Variants in FYCO1 observed in about 807,000 individuals in gnomAD.
The protein encoded by FYCO1 is FYVE and coiled-coil domain-containing protein 1.
Under a neutral mutation model 165.1 loss-of-function variants are expected in FYCO1, and 122 were observed. The ratio of observed to expected loss-of-function variants is 0.74; its 90% CI spans 0.64 to 0.86. The LOEUF (loss-of-function observed/expected upper bound fraction) is 0.86. FYCO1 is among the 40% of genes least tolerant of loss of function. FYCO1 has a pLI of 0.00. For synonymous variants in FYCO1, 648 were observed against 742.5 expected (o/e 0.87, Z 2.07); for missense variants, 1,702 against 1,810.3 (o/e 0.94, Z 1.09).
At chr3:45,975,108 A>C in intron 5 of FYCO1, 131 bp downstream of exon 5, 1 of 759,964 alleles carries the variant, frequency 1.3e-6, no homozygotes, top group Non-Finnish European at 2.4e-6. Flanking sequence ...ACAATGATAT[A>C]TGTGGAAGGA....
intron 14 of FYCO1, among the ~76,000 whole-genome samples, chr3:45,941,612 T>C (rs1340562409): frequency 1.3e-5 from 2 of 152,260 alleles, no homozygotes. Context: ...AAGTCTTTTG[T>C]ACTATAGAGA....
Position 45,968,583 on chromosome 3 carries a change from C to T in FYCO1, c.751G>A (p.Glu251Lys). ...TCTCTGTCCAGCTGCTGCATGCGCT[C>T]CCGTAGCTGCTTCTCCCGCACCTCC... is the stretch of plus-strand genomic sequence containing the variant. ...QLEVREKQLR[E>K]RMQQLDRENQ... Residue 251 changes from glutamate (E) to lysine (K), a missense_variant, in exon 8 of 18, where the codon GAG becomes AAG. Coordinates refer to ENST00000296137, the MANE Select transcript of FYCO1 (RefSeq NM_024513.4). The T allele has an allele frequency of 6.2e-7, 1 of 1,613,964 alleles. No individual in the cohort carries two copies.
Position 45,973,231 on chromosome 3 carries a change from A to T in FYCO1, c.396T>A (p.Ser132Arg). The T allele has an allele frequency of 6.2e-7, 1 of 1,613,994 alleles. No individual in the cohort carries two copies. The highest frequency in any genetic ancestry group is 8.5e-7 in the Non-Finnish European group (1 of 1,179,834). Residue 132 changes from serine (S) to arginine (R), a missense_variant and splice_region_variant, in exon 6 of 18, where the codon AGT becomes AGA. Ser to Arg is a moderately radical substitution (Grantham distance 110). Transcript: ENST00000296137. ...AGGGGCTTCTTGCATAGTACCAGTCACTGCAGAAAAACATGTCAATTATAA... is the reference window on the plus strand; with the variant it reads ...AGGGGCTTCTTGCATAGTACCAGTCTCTGCAGAAAAACATGTCAATTATAA... ...QQCFMNTKVT[S>R]DWYYARSPFL...
At chr3:45,984,498 C>T (rs1707219797) in intron 2 of FYCO1, 1 of 395,626 alleles carries the variant, frequency 2.5e-6, no homozygotes, top group Non-Finnish European at 4.8e-6. Flanking sequence ...ACATTCTTTT[C>T]CAAAGAAGCC....
At chr3:45,985,304 T>C (rs1222675788) in intron 1 of FYCO1, among the ~76,000 whole-genome samples, 1 of 152,186 alleles carries the variant, frequency 6.6e-6, no homozygotes, top group Non-Finnish European at 1.5e-5. Flanking sequence ...TCACCTTAGA[T>C]AGGACTGCCT....
Position 45,936,475 on chromosome 3 carries a change from A to T in FYCO1, c.4013T>A (p.Ile1338Asn), listed in dbSNP as rs761357698. The stretch of plus-strand genomic sequence containing the variant: ...CAGTTCTCCAGACTTCAGCAGGCAG[A>T]TTTCCGAATCCTGCCCCACGGGCAT... Reference protein sequence around the residue: ...EDMPVGQDSEICLLKSGELMI... With the variant: ...EDMPVGQDSENCLLKSGELMI... The change falls in exon 15 of 18, where the codon ATC becomes AAC. Residue 1338 changes from isoleucine to asparagine, a missense_variant. Coordinates refer to ENST00000296137, the MANE Select transcript of FYCO1 (RefSeq NM_024513.4). The T allele has an allele frequency of 6.2e-7, 1 of 1,613,848 alleles. No individual in the cohort carries two copies. Among genetic ancestry groups the T allele is most frequent in the African/African-American group, 1.3e-5 (1 of 74,914 alleles).
intron 15 of FYCO1, among the ~76,000 whole-genome samples, chr3:45,934,812 T>C (rs1703808390): frequency 6.6e-6 from 1 of 152,212 alleles, no homozygotes; most frequent in African/African-American, 2.4e-5. Flanking sequence ...GCAAGGGACA[T>C]TTTGGTAGCT....
intron 1 of FYCO1, among the ~76,000 whole-genome samples, chr3:45,994,813 T>C (rs1309164132): frequency 6.6e-6 from 1 of 152,030 alleles, no homozygotes; most frequent in African/African-American, 2.4e-5. Flanking sequence ...CATTTCTCTG[T>C]CGGGAAAGGA....
In FYCO1 at chr3:45,962,677, T is replaced by C. The variant is rs1705773595; in HGVS notation, c.3270-285A>G. Among the ~76,000 whole-genome samples, 1 of 152,156 alleles carries C rather than the reference T, an allele frequency of 6.6e-6. No individual in the cohort carries two copies. The highest frequency in any genetic ancestry group is 2.1e-4 in the South Asian group (1 of 4,822). ...CTTGGCTCCTGGACAGGGGCTGGGC[T>C]TGCAAGAGAAGCCTGATAGGCAAGG... On this transcript the variant is annotated intron_variant, in intron 10 of 17. Coordinates refer to ENST00000296137, the MANE Select transcript of FYCO1 (RefSeq NM_024513.4). This position sits in a 1 kb window ranked among gnomAD's most constrained non-coding sequence, Gnocchi z 4.4.
intron 14 of FYCO1, among the ~76,000 whole-genome samples, chr3:45,939,823 G>A (rs1704118185): frequency 1.3e-5 from 2 of 152,248 alleles, no homozygotes; most frequent in African/African-American, 4.8e-5. Flanking sequence ...CTAGCCATAT[G>A]TGGCTATATA....
rs772418612 is a variant in FYCO1, at chr3:45,964,138, T to C, written c.3269+198A>G. ...AAATTGAGTTAGGAGAAAGGTGCTT[T>C]AGCCGTGTATAGGTTGTGATGGGCA... is the stretch of plus-strand genomic sequence containing the variant. On this transcript the variant is annotated intron_variant, in intron 10 of 17. Coordinates refer to ENST00000296137, the MANE Select transcript of FYCO1 (RefSeq NM_024513.4). The surrounding 1 kb of genome is among the most constrained non-coding windows in gnomAD (Gnocchi z 4.1). Among the ~76,000 whole-genome samples, 3 of 152,204 alleles carry C rather than the reference T, an allele frequency of 2.0e-5. No individual in the cohort carries two copies. Among genetic ancestry groups the C allele is most frequent in the Non-Finnish European group, 4.4e-5 (3 of 68,034 alleles).
intron 14 of FYCO1, chr3:45,946,204 G>A: frequency 2.5e-6 from 1 of 398,294 alleles, no homozygotes; most frequent in Non-Finnish European, 4.6e-6. Context: ...AATGTGCTTA[G>A]GGGTCAGTTA....
At chr3:45,989,970 A>G (rs1707491146) in intron 1 of FYCO1, among the ~76,000 whole-genome samples, 1 of 152,186 alleles carries the variant, frequency 6.6e-6, no homozygotes, top group Non-Finnish European at 1.5e-5. Flanking sequence ...GAATCTGGAC[A>G]ATCTCTGGAA....
Position 45,962,490 on chromosome 3 carries a change from C to T in FYCO1, c.3270-98G>A, listed in dbSNP as rs1199043518. Reference sequence around the variant, plus strand: ...GACTCTAATGAGGGGTGCTACTGCCCTCCGCCATGGGGGAGCCCCTTGGTA... The same window carrying T: ...GACTCTAATGAGGGGTGCTACTGCCTTCCGCCATGGGGGAGCCCCTTGGTA... On this transcript the variant is annotated intron_variant, in intron 10 of 17. Transcript: ENST00000296137. This position sits in a 1 kb window ranked among gnomAD's most constrained non-coding sequence, Gnocchi z 4.4. 1.4e-5 allele frequency: 16 copies of T among 1,112,132 alleles called. No homozygotes were observed. The highest frequency in any genetic ancestry group is 2.2e-5 in the Non-Finnish European group (16 of 724,646). The allele number at this position is 1,112,132 out of a possible 1,614,324, so 68.9% of individuals were successfully genotyped here. A position where few individuals can be genotyped will look rare whatever the true frequency, so the allele number is the denominator to read the frequency against.
In FYCO1 at chr3:45,969,743, A is replaced by G. The variant is rs772309756; in HGVS notation, c.562T>C (p.Ser188Pro). The G allele has an allele frequency of 1.1e-5, 17 of 1,614,018 alleles. No individual in the cohort carries two copies. In the East Asian group the frequency reaches 3.6e-4, roughly 34 times the overall value. ...FARRTLTTGS[S>P]AYLWKPPSRS... ...CTAGGGGGTTTCCACAGGTAAGCAG[A>G]AGAGCCAGTGGTCAGCGTCCTCCTG... Residue 188 changes from serine (S) to proline (P), a missense_variant, in exon 7 of 18, where the codon TCT (serine) becomes CCT (proline). By Grantham distance (74) the Ser-to-Pro change is moderately conservative. Coordinates refer to ENST00000296137, the MANE Select transcript of FYCO1 (RefSeq NM_024513.4).
intron 2 of FYCO1, 54 bp downstream of exon 2, chr3:45,984,802 C>T: frequency 6.3e-7 from 1 of 1,582,866 alleles, no homozygotes; most frequent in African/African-American, 1.3e-5. Context: ...CAGCAAAAAG[C>T]CCTGCCACAA....
At position 45,990,611 on chromosome 3, in the gene FYCO1, C is replaced by T. The variant is rs534864676; in HGVS notation, c.-113+5111G>A. ...CGTTGCTGTTCATGATTTCCCCTAG[C>T]ACAGTTCTGGCACATGGAGAGCCCT... is the stretch of plus-strand genomic sequence containing the variant. On this transcript the variant is annotated intron_variant, in intron 1 of 17. Coordinates refer to ENST00000296137, the MANE Select transcript of FYCO1 (RefSeq NM_024513.4). 2.5e-4 allele frequency among the ~76,000 whole-genome samples: 38 copies of T among 152,306 alleles called. 2 individuals carry two copies. The highest frequency in any genetic ancestry group is 2.6e-4 in the Admixed American group (4 of 15,304).
chr3:45,923,810 G>C, intron 16 of FYCO1, 45 bp from the exon 17 acceptor site: 1 of 1,284,332 alleles, frequency 7.8e-7, no homozygotes. Flanking sequence ...GAGGCTGAGA[G>C]GGCCCTCGGC....
chr3:45,968,690 A>G lies in FYCO1; in HGVS notation c.644T>C (p.Val215Ala). ...GGGGCTGTTCAGGTCAAAGTTGGACACCATCTCTTGAGTCTGGGAGGGAAA... is the reference window on the plus strand; with the variant it reads ...GGGGCTGTTCAGGTCAAAGTTGGACGCCATCTCTTGAGTCTGGGAGGGAAA... ...VSSYLQTQEM[V>A]SNFDLNSPLN... The change falls in exon 8 of 18, where the codon GTG (valine) becomes GCG (alanine). Residue 215 changes from valine to alanine, a missense_variant. By Grantham distance (64) the Val-to-Ala change is moderately conservative. Coordinates refer to ENST00000296137, the MANE Select transcript of FYCO1 (RefSeq NM_024513.4). 3 of 1,614,224 alleles carry G rather than the reference A, an allele frequency of 1.9e-6. No homozygotes were observed. The highest frequency in any genetic ancestry group is 2.5e-6 in the Non-Finnish European group (3 of 1,180,050).
Sources: gnomAD v4.1 joint callset for allele counts (sites outside exome capture counted in the v4.1 genomes callset) on GRCh38, gnomAD v4.1.1 for gene constraint, Gnocchi (gnomAD v3.1) non-coding constraint, MANE v1.5 for transcripts, NCBI Gene and HGNC (gene_info 2026-07-23, HGNC 2026-07-21) for gene names.